Variants in UNC5D observed in about 807,000 individuals in gnomAD.
The protein encoded by UNC5D is netrin receptor UNC5D.
UNC5D carries 39 observed loss-of-function variants against 105.4 expected under a neutral mutation model. The observed-to-expected ratio is 0.37, with a 90% confidence interval of 0.29 to 0.48. UNC5D has a LOEUF of 0.48. Among genes scored for constraint, UNC5D ranks in the 20% least tolerant of loss-of-function variants. UNC5D has a pLI of 0.98. For missense variants in UNC5D, 991 were observed against 1,202.4 expected (o/e 0.82, Z 2.60); for synonymous variants, 452 against 450.4 (o/e 1.00, Z -0.04).
chr8:35,619,296 G>A (rs1014317653), intron 4 of UNC5D, among the ~76,000 whole-genome samples: 3 of 152,296 alleles, frequency 2.0e-5, no homozygotes, highest in African/African-American at 7.2e-5. Context: ...TCATTGTGGT[G>A]AGAGTTTGTA....
chr8:35,413,129 A>T (rs1374854154), intron 1 of UNC5D, among the ~76,000 whole-genome samples: 2 of 152,084 alleles, frequency 1.3e-5, no homozygotes, highest in Non-Finnish European at 2.9e-5. Flanking sequence ...TGTTTACTTC[A>T]AGGGGCAACC....
In UNC5D at chr8:35,686,815, G is replaced by A. The variant is rs1826038608; in HGVS notation, c.1084+106G>A. On this transcript the variant is annotated intron_variant, in intron 7 of 16. Transcript: ENST00000404895. ...ATGTGGTTAAATAAGTTAGCAGAAAGCCAAGCTGCTAAGGGCAAAAATAAA... is the reference window on the plus strand; with the variant it reads ...ATGTGGTTAAATAAGTTAGCAGAAAACCAAGCTGCTAAGGGCAAAAATAAA... 9.2e-6 allele frequency: 13 copies of A among 1,420,138 alleles called. No individual in the cohort carries two copies. The South Asian group carries it at 1.7e-4, about 19-fold the overall frequency. 88.0% of individuals were successfully genotyped at this position (1,420,138 alleles called of 1,614,324 possible).
At chr8:35,561,828 C>G (rs1398876117) in intron 2 of UNC5D, among the ~76,000 whole-genome samples, 1 of 151,962 alleles carries the variant, frequency 6.6e-6, no homozygotes, top group Admixed American at 6.6e-5. Flanking sequence ...GGCTAATAAT[C>G]AAATAAGGAT....
intron 9 of UNC5D, among the ~76,000 whole-genome samples, chr8:35,725,652 G>A (rs572296981): frequency 1.8e-4 from 27 of 152,144 alleles, no homozygotes; most frequent in Middle Eastern, 6.8e-3. Flanking sequence ...ACAGAATTCC[G>A]TATGAAATGC....
chr8:35,720,274 G>C (rs1191962737), intron 8 of UNC5D, among the ~76,000 whole-genome samples: 1 of 152,160 alleles, frequency 6.6e-6, no homozygotes. Flanking sequence ...AACTGAGGAT[G>C]TCTTTGTCTC....
chr8:35,473,607 T>A (rs1809889594), intron 1 of UNC5D, among the ~76,000 whole-genome samples: 1 of 152,208 alleles, frequency 6.6e-6, no homozygotes, highest in Admixed American at 6.5e-5. Context: ...ATCATTCACC[T>A]TGTTAAGTCA....
intron 1 of UNC5D, among the ~76,000 whole-genome samples, chr8:35,340,042 A>G (rs1811349739): frequency 2.6e-5 from 4 of 152,144 alleles, no homozygotes; most frequent in Non-Finnish European, 2.9e-5. Context: ...ATTTTTGCAT[A>G]TTATCTCACT....
At chr8:35,789,895 A>AACACACACACACACAC (rs56702865) in intron 16 of UNC5D, among the ~76,000 whole-genome samples, 18 of 142,776 alleles carry the variant, frequency 1.3e-4, no homozygotes, top group African/African-American at 4.1e-4. Context: ...TCAAGAAGAA[A>AACACACACACACACAC]ACACACACAC....
chr8:35,536,167 A>G (rs1814817862), intron 1 of UNC5D, among the ~76,000 whole-genome samples: 1 of 152,224 alleles, frequency 6.6e-6, no homozygotes, highest in Non-Finnish European at 1.5e-5. Context: ...CCAAGAGGAT[A>G]AGGAAATTAA....
At chr8:35,631,182 G>A (rs1054205583) in intron 4 of UNC5D, among the ~76,000 whole-genome samples, 2 of 152,128 alleles carry the variant, frequency 1.3e-5, no homozygotes, top group Non-Finnish European at 2.9e-5. Flanking sequence ...ACATAGTGGT[G>A]TGTGCCTTGC....
intron 1 of UNC5D, among the ~76,000 whole-genome samples, chr8:35,387,989 T>G (rs2128938162): frequency 6.6e-6 from 1 of 152,168 alleles, no homozygotes; most frequent in East Asian, 1.9e-4. Context: ...AGCAGGACAC[T>G]CAAGTGTTGG....
At chr8:35,590,016 G>T (rs1270080401) in intron 3 of UNC5D, among the ~76,000 whole-genome samples, 1 of 152,060 alleles carries the variant, frequency 6.6e-6, no homozygotes, top group Admixed American at 6.6e-5. Context: ...CTTGCAAGAG[G>T]AAGGACATAT....
At chr8:35,347,936 T>C (rs925194945) in intron 1 of UNC5D, among the ~76,000 whole-genome samples, 3 of 152,046 alleles carry the variant, frequency 2.0e-5, no homozygotes, top group African/African-American at 4.8e-5. Flanking sequence ...TAACCTGTGA[T>C]TGGGAACTAA....
At chr8:35,327,573 T>C (rs897548751) in intron 1 of UNC5D, among the ~76,000 whole-genome samples, 1 of 152,222 alleles carries the variant, frequency 6.6e-6, no homozygotes, top group Admixed American at 6.5e-5. Flanking sequence ...ATATTTGACC[T>C]CTCTCTTCTG....
At chr8:35,623,073 A>C (rs1586274374) in intron 4 of UNC5D, among the ~76,000 whole-genome samples, 2 of 152,328 alleles carry the variant, frequency 1.3e-5, no homozygotes, top group East Asian at 3.9e-4. Context: ...AATCAATATG[A>C]CTAATGGATC....
intron 14 of UNC5D, among the ~76,000 whole-genome samples, chr8:35,760,040 CT>C (rs796124727): frequency 4.7e-3 from 622 of 132,838 alleles, no homozygotes; most frequent in Middle Eastern, 0.016. Flanking sequence ...TTTACTTTTT[CT>C]TTTTTTTTTT....
chr8:35,547,622 G>T (rs559283948), intron 1 of UNC5D, among the ~76,000 whole-genome samples: 1 of 152,220 alleles, frequency 6.6e-6, no homozygotes, highest in Admixed American at 6.5e-5. Flanking sequence ...TGTTTTTAAT[G>T]AATTGGGTTT....
At chr8:35,410,268 T>C (rs1286286580) in intron 1 of UNC5D, among the ~76,000 whole-genome samples, 2 of 151,922 alleles carry the variant, frequency 1.3e-5, no homozygotes. Flanking sequence ...TACTGTCAGC[T>C]AGGGAAAACC....
At chr8:35,241,446 A>C (rs1322827121) in intron 1 of UNC5D, among the ~76,000 whole-genome samples, 1 of 152,068 alleles carries the variant, frequency 6.6e-6, no homozygotes, top group African/African-American at 2.4e-5. Context: ...CTCCCCCCAC[A>C]CCACTTCACT....
Sources: gnomAD v4.1 joint callset for allele counts (sites outside exome capture counted in the v4.1 genomes callset) on GRCh38, gnomAD v4.1.1 for gene constraint, MANE v1.5 for transcripts, NCBI Gene and HGNC (gene_info 2026-07-23, HGNC 2026-07-21) for gene names.